The following SLC22A15 variants were observed in gnomAD, a reference collection of about 807,000 sequenced individuals.
The protein encoded by SLC22A15 is solute carrier family 22 member 15.
SLC22A15 carries 45 observed loss-of-function variants against 62.7 expected under a neutral mutation model. The ratio of observed to expected loss-of-function variants is 0.72; its 90% CI spans 0.56 to 0.92. The LOEUF (loss-of-function observed/expected upper bound fraction) is 0.92. Among genes scored for constraint, SLC22A15 ranks in the 40% least tolerant of loss-of-function variants. The pLI is 0.00. For synonymous variants in SLC22A15, 264 were observed against 267.0 expected (o/e 0.99, Z 0.11); for missense variants, 622 against 665.6 (o/e 0.93, Z 0.72).
At chr1:116,019,947 T>TC (rs1488126501) in intron 3 of SLC22A15, among the ~76,000 whole-genome samples, 1 of 152,224 alleles carries the variant, frequency 6.6e-6, no homozygotes, top group Non-Finnish European at 1.5e-5. Flanking sequence ...TCTAAACCGT[T>TC]CATAGGTGAT....
At chr1:116,016,231 A>C (rs1252391917) in intron 2 of SLC22A15, among the ~76,000 whole-genome samples, 3 of 128,602 alleles carry the variant, frequency 2.3e-5, no homozygotes, top group East Asian at 2.2e-4. Context: ...ACAGGGTCTC[A>C]CTCTGTTGTC....
At chr1:115,996,315 A>G (rs1300659949) in intron 2 of SLC22A15, among the ~76,000 whole-genome samples, 6 of 152,184 alleles carry the variant, frequency 3.9e-5, no homozygotes, top group South Asian at 2.1e-4. Flanking sequence ...GCCTTTCCAT[A>G]TAAGTTTTAG....
rs948635186 is a variant in SLC22A15, at chr1:115,976,813, C to G, written c.87+99C>G. 6 of 939,554 alleles carry G rather than the reference C, an allele frequency of 6.4e-6. No individual in the cohort carries two copies. The Admixed American group carries it at 9.2e-5, about 14-fold the overall frequency. 58.2% of individuals were successfully genotyped at this position (939,554 alleles called of 1,614,324 possible). A position where few individuals can be genotyped will look rare whatever the true frequency, so the allele number is the denominator to read the frequency against. ...AGACCGCCGGGGCCGGGGCCGAGGC[C>G]GAGGCTCTGCAAACACCGAGGTGTG... On this transcript the variant is annotated intron_variant, in intron 1 of 11. Transcript: ENST00000369503.
chr1:116,044,212 A>T (rs1005485159), intron 8 of SLC22A15, among the ~76,000 whole-genome samples: 40 of 152,382 alleles, frequency 2.6e-4, no homozygotes, highest in African/African-American at 9.4e-4. Context: ...TAAACAAAAT[A>T]TTAGCAAATT....
chr1:116,049,116 C>A (rs1657994635), intron 8 of SLC22A15, among the ~76,000 whole-genome samples: 2 of 152,066 alleles, frequency 1.3e-5, no homozygotes, highest in South Asian at 4.1e-4. Flanking sequence ...ACTAATAGAT[C>A]TAGGAAATGA....
chr1:115,994,848 A>G (rs1024430190), intron 2 of SLC22A15, among the ~76,000 whole-genome samples: 10 of 152,224 alleles, frequency 6.6e-5, no homozygotes, highest in African/African-American at 2.4e-4. Flanking sequence ...TATGCCATCC[A>G]TACCTAATTT....
chr1:116,035,138 G>T, intron 6 of SLC22A15, 49 bp from the exon 7 acceptor site: 1 of 1,580,740 alleles, frequency 6.3e-7, no homozygotes, highest in Admixed American at 1.8e-5. Context: ...GTACTTTTCT[G>T]TTGTCCTTCT....
At chr1:116,010,831 A>T (rs908848492) in intron 2 of SLC22A15, among the ~76,000 whole-genome samples, 13 of 152,150 alleles carry the variant, frequency 8.5e-5, no homozygotes, top group Admixed American at 6.5e-4. Flanking sequence ...CTGACAAGCT[A>T]GGAGTCTGGG....
intron 2 of SLC22A15, among the ~76,000 whole-genome samples, chr1:116,005,030 C>G (rs1193322765): frequency 2.0e-5 from 3 of 152,038 alleles, no homozygotes; most frequent in Non-Finnish European, 4.4e-5. Flanking sequence ...TCTTTTATTA[C>G]CTGGTATTGG....
At chr1:115,987,852 T>C (rs1051267624) in intron 1 of SLC22A15, among the ~76,000 whole-genome samples, 1 of 152,230 alleles carries the variant, frequency 6.6e-6, no homozygotes, top group Non-Finnish European at 1.5e-5. Context: ...AACAATTTAC[T>C]TAATCGTTCT....
At chr1:116,050,164 A>T (rs1658013840) in intron 8 of SLC22A15, among the ~76,000 whole-genome samples, 1 of 152,170 alleles carries the variant, frequency 6.6e-6, no homozygotes, top group African/African-American at 2.4e-5. Flanking sequence ...ATTCTACCAG[A>T]CATTTAACAA....
At chr1:116,044,848 G>A (rs1438173652) in intron 8 of SLC22A15, among the ~76,000 whole-genome samples, 2 of 152,048 alleles carry the variant, frequency 1.3e-5, no homozygotes, top group Non-Finnish European at 2.9e-5. Flanking sequence ...TTAAAATGCT[G>A]ATGAGAAAAA....
In SLC22A15 at chr1:116,067,105, G is replaced by A. The variant is rs745466683; in HGVS notation, c.1641G>A (p.Lys547=). The A allele has an allele frequency of 2.5e-6, 4 of 1,609,860 alleles. No individual in the cohort carries two copies. The highest frequency in any genetic ancestry group is 1.3e-5 in the African/African-American group (1 of 74,994). Reference sequence around the variant, plus strand: ...CAGATGAAGAGACTCAGATGATCAAGTGAAGAGCCCCAGATTCCCCCTAAG... The same window carrying A: ...CAGATGAAGAGACTCAGATGATCAAATGAAGAGCCCCAGATTCCCCCTAAG... ...YDADEETQMI[K] The change falls in exon 12 of 12, where the codon AAG becomes AAA. Residue 547 remains lysine (K), a synonymous_variant. Coordinates refer to ENST00000369503, the MANE Select transcript of SLC22A15 (RefSeq NM_018420.3).
chr1:116,069,869 A>T lies in SLC22A15; in HGVS notation c.*2761A>T, dbSNP rs1479916551. 6.6e-6 allele frequency: 1 copy of T among 152,212 alleles called. No homozygotes were observed. The highest frequency in any genetic ancestry group is 1.5e-5 in the Non-Finnish European group (1 of 68,022). The allele number at this position is 152,212 out of a possible 1,614,324, so 9.4% of individuals were successfully genotyped here. On this transcript the variant is annotated 3_prime_UTR_variant, in exon 12 of 12. Coordinates refer to ENST00000369503, the MANE Select transcript of SLC22A15 (RefSeq NM_018420.3). Reference sequence around the variant, plus strand: ...GGTGATTTATATTCATAACAAATACATATTGAAATAATTGTCACTACTGTA... The same window carrying T: ...GGTGATTTATATTCATAACAAATACTTATTGAAATAATTGTCACTACTGTA...
At chr1:116,051,106 T>C (rs559841702) in intron 8 of SLC22A15, among the ~76,000 whole-genome samples, 1 of 152,322 alleles carries the variant, frequency 6.6e-6, no homozygotes, top group African/African-American at 2.4e-5. Context: ...TCCATGTTCA[T>C]GGATGGGTAG....
At chr1:116,018,450 C>T (rs1215790468) in intron 2 of SLC22A15, among the ~76,000 whole-genome samples, 1 of 152,010 alleles carries the variant, frequency 6.6e-6, no homozygotes, top group South Asian at 2.1e-4. Context: ...GTGCAAGCTC[C>T]GCCTCCCGGG....
chr1:116,014,520 T>C (rs1243899711), intron 2 of SLC22A15, among the ~76,000 whole-genome samples: 2 of 152,216 alleles, frequency 1.3e-5, no homozygotes, highest in African/African-American at 4.8e-5. Flanking sequence ...ATTTTGTCTT[T>C]ATAGTCCTCC....
chr1:115,976,749 C>A lies in SLC22A15; in HGVS notation c.87+35C>A, dbSNP rs192008937. ...CGCGGCCCCGCAGCCGCATTTCCCT[C>A]TTCAGGGCCGCCCGGCGCAGGGCTA... On this transcript the variant is annotated intron_variant, in intron 1 of 11. Coordinates refer to ENST00000369503, the MANE Select transcript of SLC22A15 (RefSeq NM_018420.3). The A allele has an allele frequency of 2.6e-3, 3,890 of 1,517,202 alleles. 78 individuals are homozygous for A. In the African/African-American group the frequency reaches 0.047, roughly 18 times the overall value. 94.0% of individuals were successfully genotyped at this position (1,517,202 alleles called of 1,614,324 possible).
chr1:116,000,734 G>A (rs534301492), intron 2 of SLC22A15, among the ~76,000 whole-genome samples: 2 of 143,924 alleles, frequency 1.4e-5, no homozygotes, highest in South Asian at 2.2e-4. Context: ...AGGTTCCTTC[G>A]ATTCTCCTGC....
Sources: allele counts gnomAD v4.1 joint callset (sites outside exome capture counted in the v4.1 genomes callset), GRCh38; gene constraint gnomAD v4.1.1; transcripts MANE v1.5; gene names NCBI Gene and HGNC (gene_info 2026-07-23, HGNC 2026-07-21).